PLA2G4B: variants seen among roughly 807,000 people sequenced by gnomAD.
PLA2G4B encodes cytosolic phospholipase A2 beta.
A neutral mutation model predicts 95.8 loss-of-function variants in PLA2G4B; 122 were observed. The observed-to-expected ratio is 1.27, with a 90% confidence interval of 1.10 to 1.48. The LOEUF (loss-of-function observed/expected upper bound fraction) is 1.48. Among genes scored for constraint, PLA2G4B ranks in the 40% most tolerant of loss-of-function variants. The probability of loss-of-function intolerance (pLI) is 0.00; values close to 1 mark genes in which losing one functional copy is unlikely to be tolerated. For missense variants in PLA2G4B, 1,158 were observed against 996.2 expected, an observed-to-expected ratio of 1.16 and a Z score of -2.19; for synonymous variants, 518 against 421.5, an observed-to-expected ratio of 1.23 and a Z score of -2.80.
chr15:41,842,421 C>T (rs2065449809), intron 9 of PLA2G4B, 133 bp from the exon 10 acceptor site: 1 of 1,551,000 alleles, frequency 6.4e-7, no homozygotes. Context: ...GTCCTCTGAG[C>T]ATCCCTGCTT....
chr15:41,843,563 G>C, intron 10 of PLA2G4B, 113 bp from the exon 11 acceptor site: 1 of 1,508,960 alleles, frequency 6.6e-7, no homozygotes, highest in Non-Finnish European at 8.9e-7. Flanking sequence ...GAGTGGCATT[G>C]AGGGTTGGGG....
Position 41,842,762 on chromosome 15 carries a change from G to A in PLA2G4B, c.743+171G>A. 8 of 1,067,024 alleles carry A rather than the reference G, an allele frequency of 7.5e-6. No homozygotes were observed. In the South Asian group the frequency reaches 8.2e-5, roughly 11 times the overall value. 66.1% of individuals were successfully genotyped at this position (1,067,024 alleles called of 1,614,324 possible). A position where few individuals can be genotyped will look rare whatever the true frequency, so the allele number is the denominator to read the frequency against. ...CACGAAGTACTGGGAGGAGTACTGG[G>A]AGGAGTCTTAGCACCTATGGTCAGA... On this transcript the variant is annotated intron_variant, in intron 10 of 19. Transcript: ENST00000458483.
At chr15:41,847,313 A>C in intron 18 of PLA2G4B, 24 bp from the exon 19 acceptor site, 1 of 1,576,986 alleles carries the variant, frequency 6.3e-7, no homozygotes, top group Non-Finnish European at 8.6e-7. Flanking sequence ...TGTCCCTCTG[A>C]AGCCCCTTCT....
intron 1 of PLA2G4B, 192 bp from the exon 2 acceptor site, chr15:41,839,966 T>C: frequency 1.6e-6 from 1 of 639,860 alleles, no homozygotes; most frequent in East Asian, 2.8e-5. Flanking sequence ...GCGCAGAGCA[T>C]TGTGTAAGTG....
Position 41,843,789 on chromosome 15 carries a change from A to T in PLA2G4B, c.857A>T (p.Asp286Val), listed in dbSNP as rs2065481348. Reference protein sequence around the residue: ...AAALRQALQLDGDLQEDEIPV... With the variant: ...AAALRQALQLVGDLQEDEIPV... ...GCCTTGAGGCAGGCCCTGCAGCTGGACGGAGACCTGCAGGAGGATGAGGTT... is the reference window on the plus strand; with the variant it reads ...GCCTTGAGGCAGGCCCTGCAGCTGGTCGGAGACCTGCAGGAGGATGAGGTT... The change falls in exon 11 of 20, where the codon GAC becomes GTC. Residue 286 changes from aspartate to valine, a missense_variant. Transcript: ENST00000458483. 2 of 1,613,812 alleles carry T rather than the reference A, an allele frequency of 1.2e-6. No homozygotes were observed. Among genetic ancestry groups the T allele is most frequent in the East Asian group, 2.2e-5 (1 of 44,850 alleles).
rs757412696 is a variant in PLA2G4B, at chr15:41,845,645, C to G, written c.1365C>G (p.Cys455Trp). ...SLTTFEFGEW[C>W]EFSPYEVGFP... ...GGCGTGGACTCCTCACAGAGTGGTG[C>G]GAGTTCTCTCCCTACGAGGTCGGCT... The change falls in exon 15 of 20, where the codon TGC becomes TGG. Residue 455 changes from cysteine to tryptophan, a missense_variant. Transcript: ENST00000458483. 41 of 1,614,002 alleles carry G rather than the reference C, an allele frequency of 2.5e-5. No homozygotes were observed. In the East Asian group the frequency reaches 8.5e-4, roughly 33 times the overall value.
At chr15:41,842,651 G>A in intron 10 of PLA2G4B, 60 bp downstream of exon 10, 1 of 1,592,156 alleles carries the variant, frequency 6.3e-7, no homozygotes, top group Non-Finnish European at 8.5e-7. Context: ...TGCGGGGCTG[G>A]AGGAGGCCTG....
intron 11 of PLA2G4B, 51 bp from the exon 12 acceptor site, chr15:41,844,420 G>GGA: frequency 6.2e-7 from 1 of 1,612,248 alleles, no homozygotes; most frequent in Non-Finnish European, 8.5e-7. Context: ...CCTGTGACTT[G>GGA]GCCTTCCCCA....
At chr15:41,847,561 T>TC (rs775527654) in intron 19 of PLA2G4B, 38 bp downstream of exon 19, 16 of 1,604,232 alleles carry the variant, frequency 1.0e-5, no homozygotes, top group Non-Finnish European at 1.4e-5. Context: ...GCTGCCCCAG[T>TC]CCCCCACACC....
At chr15:41,840,972 A>G (rs2065419893) in intron 4 of PLA2G4B, 67 bp downstream of exon 4, 1 of 1,586,358 alleles carries the variant, frequency 6.3e-7, no homozygotes, top group Non-Finnish European at 8.6e-7. Context: ...GCACACATGC[A>G]CACACACGCA....
chr15:41,845,085 G>T lies in PLA2G4B; in HGVS notation c.1239+15G>T. The T allele has an allele frequency of 6.3e-7, 1 of 1,594,654 alleles. No individual in the cohort carries two copies. Among genetic ancestry groups the T allele is most frequent in the Admixed American group, 1.7e-5 (1 of 58,276 alleles). ...TGCATGATGAGGTGCGGGGGCTGCG[G>T]CCTGGGGGCAGAGCCAGGGCAAGGG... On this transcript the variant is annotated intron_variant, in intron 13 of 19. Coordinates refer to ENST00000458483, the MANE Select transcript of PLA2G4B (RefSeq NM_001114633.2).
In PLA2G4B at chr15:41,845,644, G is replaced by A. The variant is rs2065526161; in HGVS notation, c.1364G>A (p.Cys455Tyr). 1.7e-5 allele frequency: 28 copies of A among 1,614,146 alleles called. No individual in the cohort carries two copies. The highest frequency in any genetic ancestry group is 2.2e-5 in the Non-Finnish European group (26 of 1,180,018). ...SLTTFEFGEWCEFSPYEVGFP... is the reference protein window; with the variant it reads ...SLTTFEFGEWYEFSPYEVGFP... The stretch of plus-strand genomic sequence containing the variant: ...AGGCGTGGACTCCTCACAGAGTGGT[G>A]CGAGTTCTCTCCCTACGAGGTCGGC... Residue 455 changes from cysteine (C) to tyrosine (Y), a missense_variant, in exon 15 of 20, where the codon TGC (cysteine) becomes TAC (tyrosine). Physicochemically the swap from Cys to Tyr is radical, Grantham distance 194. Coordinates refer to ENST00000458483, the MANE Select transcript of PLA2G4B (RefSeq NM_001114633.2).
chr15:41,840,339 G>A, intron 2 of PLA2G4B, 109 bp downstream of exon 2: 10 of 1,573,500 alleles, frequency 6.4e-6, no homozygotes, highest in Non-Finnish European at 8.6e-6. Flanking sequence ...CGGTGGGCAG[G>A]GCCTAGAGGA....
chr15:41,845,832 G>A, intron 15 of PLA2G4B, 57 bp downstream of exon 15: 4 of 1,545,276 alleles, frequency 2.6e-6, no homozygotes, highest in Non-Finnish European at 3.5e-6. Flanking sequence ...TGGGTCCTGG[G>A]TGAGAGGGCA....
intron 8 of PLA2G4B, 57 bp from the exon 9 acceptor site, chr15:41,842,136 C>G: frequency 1.9e-6 from 3 of 1,604,054 alleles, no homozygotes; most frequent in Non-Finnish European, 1.7e-6. Flanking sequence ...TTGGTGAGGT[C>G]TTTGCTAGGA....
intron 8 of PLA2G4B, 51 bp downstream of exon 8, chr15:41,842,000 C>A: frequency 6.3e-7 from 1 of 1,584,366 alleles, no homozygotes; most frequent in Admixed American, 1.7e-5. Flanking sequence ...TCCTCCCTCC[C>A]TCTGCACCTC....
At chr15:41,841,438 A>G (rs763375136) in intron 6 of PLA2G4B, 79 bp from the exon 7 acceptor site, 235 of 1,610,796 alleles carry the variant, frequency 1.5e-4, no homozygotes, top group Non-Finnish European at 1.9e-4. Context: ...GCAGACCAGC[A>G]GCAGCCAGGG....
At chr15:41,847,302 C>CT in intron 18 of PLA2G4B, 35 bp from the exon 19 acceptor site, 1 of 1,564,956 alleles carries the variant, frequency 6.4e-7, no homozygotes, top group East Asian at 2.3e-5. Flanking sequence ...GCCAGGGGCC[C>CT]TGTCCCTCTG....
chr15:41,843,446 T>C (rs1005312053), intron 10 of PLA2G4B, among the ~76,000 whole-genome samples: 2 of 152,232 alleles, frequency 1.3e-5, no homozygotes, highest in African/African-American at 4.8e-5. Flanking sequence ...AAGCAGCCTC[T>C]TTCGGCCACG....
Sources: gnomAD v4.1 joint callset for allele counts (sites outside exome capture counted in the v4.1 genomes callset) on GRCh38, gnomAD v4.1.1 for gene constraint, MANE v1.5 for transcripts, NCBI Gene and HGNC (gene_info 2026-07-23, HGNC 2026-07-21) for gene names.